The following MACROD2 variants were observed in gnomAD, a reference collection of about 807,000 sequenced individuals.
MACROD2 encodes the protein ADP-ribose glycohydrolase MACROD2.
In MACROD2, 36 loss-of-function variants were observed where a neutral mutation model predicts 70.4. The ratio of observed to expected loss-of-function variants is 0.51; its 90% CI spans 0.39 to 0.68. The LOEUF (loss-of-function observed/expected upper bound fraction) is 0.68, where lower values mean the gene tolerates loss of function less well. Among genes scored for constraint, MACROD2 ranks in the 30% least tolerant of loss-of-function variants. MACROD2 has a pLI of 0.00. For missense variants in MACROD2, 496 were observed against 538.4 expected, an observed-to-expected ratio of 0.92 and a Z score of 0.78; for synonymous variants, 172 against 178.8, an observed-to-expected ratio of 0.96 and a Z score of 0.30.
chr20:15,670,180 G>A (rs759398384), intron 8 of MACROD2, among the ~76,000 whole-genome samples: 3 of 152,194 alleles, frequency 2.0e-5, no homozygotes, highest in Non-Finnish European at 4.4e-5. Context: ...AGGTTAAAAC[G>A]AAGGAATCGG....
intron 3 of MACROD2, among the ~76,000 whole-genome samples, chr20:14,257,666 C>T (rs1414002853): frequency 2.6e-5 from 4 of 152,050 alleles, no homozygotes; most frequent in Non-Finnish European, 5.9e-5. Context: ...GTATGCATAA[C>T]TTTTAAAATT....
At chr20:14,050,087 C>CAAAAA (rs759223916) in intron 2 of MACROD2, among the ~76,000 whole-genome samples, 1 of 85,880 alleles carries the variant, frequency 1.2e-5, no homozygotes, top group African/African-American at 4.3e-5. Flanking sequence ...ACTCCCATCT[C>CAAAAA]AAAAAAAAAA....
chr20:15,787,687 C>T (rs2051953003), intron 8 of MACROD2, among the ~76,000 whole-genome samples: 1 of 152,092 alleles, frequency 6.6e-6, no homozygotes, highest in Non-Finnish European at 1.5e-5. Flanking sequence ...CCCATATTGA[C>T]TCCAACTTTT....
At chr20:14,967,338 A>AGG (rs2074647070) in intron 5 of MACROD2, among the ~76,000 whole-genome samples, 1 of 146,002 alleles carries the variant, frequency 6.8e-6, no homozygotes, top group African/African-American at 2.8e-5. Context: ...GATTACAGGT[A>AGG]TTTTTAGTAG....
chr20:14,439,468 A>G (rs1489424195), intron 3 of MACROD2, among the ~76,000 whole-genome samples: 1 of 152,072 alleles, frequency 6.6e-6, no homozygotes, highest in East Asian at 1.9e-4. Context: ...TTTTTAGTCC[A>G]CTAGTATTAT....
rs150644802 is a variant in MACROD2, at chr20:14,338,266, C to T, written c.272-155213C>T. Among the ~76,000 whole-genome samples the T allele has an allele frequency of 4.9e-3, 751 of 152,210 alleles. 2 individuals are homozygous for T. Among genetic ancestry groups the T allele is most frequent in the South Asian group, 9.3e-3 (45 of 4,822 alleles). ...CCCGTAATCCCAGCTGTTTGGGAGGCTGAGGCAGGAGAATCACTTGAACCC... is the reference window on the plus strand; with the variant it reads ...CCCGTAATCCCAGCTGTTTGGGAGGTTGAGGCAGGAGAATCACTTGAACCC... On this transcript the variant is annotated intron_variant, in intron 3 of 17. Coordinates refer to ENST00000684519, the MANE Select transcript of MACROD2 (RefSeq NM_001351661.2).
At chr20:14,030,947 A>G (rs1039582758) in intron 2 of MACROD2, among the ~76,000 whole-genome samples, 3 of 152,216 alleles carry the variant, frequency 2.0e-5, no homozygotes, top group African/African-American at 7.2e-5. Context: ...AGGCATAGAT[A>G]TATCGTTTTC....
chr20:14,992,050 T>C (rs564729899), intron 5 of MACROD2, among the ~76,000 whole-genome samples: 1 of 152,302 alleles, frequency 6.6e-6, no homozygotes, highest in East Asian at 1.9e-4. Flanking sequence ...CGCATATATG[T>C]ACACATAACT....
At chr20:14,304,202 A>T (rs989131755) in intron 3 of MACROD2, among the ~76,000 whole-genome samples, 1 of 152,172 alleles carries the variant, frequency 6.6e-6, no homozygotes, top group African/African-American at 2.4e-5. Flanking sequence ...AATCATGACT[A>T]CCTATCCTTG....
intron 3 of MACROD2, among the ~76,000 whole-genome samples, chr20:14,421,351 G>T (rs1010942781): frequency 9.9e-5 from 15 of 152,006 alleles, no homozygotes; most frequent in Admixed American, 3.9e-4. Flanking sequence ...ATGCTTTTTT[G>T]TTGTTGTTGT....
intron 5 of MACROD2, among the ~76,000 whole-genome samples, chr20:15,078,269 T>C (rs1182915826): frequency 6.6e-6 from 1 of 152,134 alleles, no homozygotes. Flanking sequence ...TCCCAAGTTG[T>C]ATTCTGAGTT....
intron 3 of MACROD2, among the ~76,000 whole-genome samples, chr20:14,252,314 A>G (rs943814962): frequency 1.3e-4 from 19 of 151,894 alleles, no homozygotes; most frequent in African/African-American, 4.6e-4. Context: ...TTCCCCCCTA[A>G]TAATTATCCT....
chr20:14,264,017 AC>A (rs1338634522), intron 3 of MACROD2, among the ~76,000 whole-genome samples: 34 of 118,242 alleles, frequency 2.9e-4, no homozygotes, highest in African/African-American at 7.9e-4. Context: ...ACACACACAC[AC>A]ACACACACAA....
chr20:15,800,030 G>C (rs1237563277), intron 8 of MACROD2, among the ~76,000 whole-genome samples: 1 of 151,860 alleles, frequency 6.6e-6, no homozygotes, highest in Non-Finnish European at 1.5e-5. Flanking sequence ...GTATTGCCTT[G>C]ATGACTCATG....
chr20:15,028,843 T>C (rs974672471), intron 5 of MACROD2, among the ~76,000 whole-genome samples: 1 of 152,008 alleles, frequency 6.6e-6, no homozygotes, highest in Non-Finnish European at 1.5e-5. Context: ...AAATGTTTGT[T>C]TTGTGCAGAG....
intron 8 of MACROD2, among the ~76,000 whole-genome samples, chr20:15,759,316 T>G (rs995996693): frequency 2.0e-5 from 3 of 152,106 alleles, no homozygotes; most frequent in Non-Finnish European, 4.4e-5. Context: ...ATAGTACTTA[T>G]GATTTTATAT....
intron 8 of MACROD2, among the ~76,000 whole-genome samples, chr20:15,522,829 T>C (rs939169287): frequency 3.3e-5 from 5 of 152,202 alleles, no homozygotes; most frequent in Non-Finnish European, 7.3e-5. Context: ...TTCTGGTAGA[T>C]ATACGTAAGC....
chr20:15,840,512 T>C (rs954487522), intron 8 of MACROD2, among the ~76,000 whole-genome samples: 4 of 152,140 alleles, frequency 2.6e-5, no homozygotes, highest in African/African-American at 9.7e-5. Flanking sequence ...TCTCGACTTA[T>C]ATTTGCTAAT....
chr20:15,356,064 A>G (rs550885733), intron 6 of MACROD2, among the ~76,000 whole-genome samples: 57 of 151,816 alleles, frequency 3.8e-4, no homozygotes, highest in African/African-American at 1.3e-3. Flanking sequence ...TCAACTTCCT[A>G]TCTTCCATCA....
Sources: gnomAD v4.1 joint callset for allele counts (sites outside exome capture counted in the v4.1 genomes callset) on GRCh38, gnomAD v4.1.1 for gene constraint, MANE v1.5 for transcripts, NCBI Gene and HGNC (gene_info 2026-07-23, HGNC 2026-07-21) for gene names.